Variants in TMEM132D observed in about 807,000 individuals in gnomAD.
TMEM132D encodes transmembrane protein 132D.
In TMEM132D, 21 loss-of-function variants were observed where a neutral mutation model predicts 62.3. The observed-to-expected ratio is 0.34, with a 90% CI of 0.24 to 0.49. The LOEUF is 0.49. Among genes scored for constraint, TMEM132D ranks in the 20% least tolerant of loss-of-function variants. TMEM132D has a pLI of 0.99. For missense variants in TMEM132D, 1,346 were observed against 1,402.8 expected (o/e 0.96, Z 0.65); for synonymous variants, 621 against 575.6 (o/e 1.08, Z -1.13).
intron 5 of TMEM132D, among the ~76,000 whole-genome samples, chr12:129,154,676 G>A (rs1280548502): frequency 6.6e-6 from 1 of 152,156 alleles, no homozygotes; most frequent in Non-Finnish European, 1.5e-5. Context: ...GTAACAGATG[G>A]TTGGTCCCCT....
intron 5 of TMEM132D, among the ~76,000 whole-genome samples, chr12:129,178,438 T>TG (rs937520301): frequency 3.4e-5 from 5 of 148,550 alleles, no homozygotes; most frequent in African/African-American, 1.3e-4. Context: ...CATCTGTTTT[T>TG]TTTTTTTTTT....
intron 1 of TMEM132D, among the ~76,000 whole-genome samples, chr12:129,873,383 C>A (rs142635755): frequency 1.4e-3 from 206 of 152,244 alleles, no homozygotes; most frequent in Non-Finnish European, 2.4e-3. Flanking sequence ...TGATTTGCTG[C>A]AACTCAAATA....
intron 3 of TMEM132D, among the ~76,000 whole-genome samples, chr12:129,482,185 C>T (rs577045094): frequency 2.3e-4 from 35 of 152,264 alleles, no homozygotes; most frequent in African/African-American, 7.0e-4. Context: ...CCATGGAGTA[C>T]GGCCAAGCCA....
chr12:129,527,794 C>T (rs1276668653), intron 3 of TMEM132D, among the ~76,000 whole-genome samples: 3 of 152,210 alleles, frequency 2.0e-5, no homozygotes, highest in Non-Finnish European at 4.4e-5. Context: ...AACGCTTAAT[C>T]AAAACAGATC....
At position 129,081,829 on chromosome 12, in the gene TMEM132D, T is replaced by C; in HGVS notation, c.1853A>G (p.Glu618Gly). 1 of 1,613,408 alleles carries C rather than the reference T, an allele frequency of 6.2e-7. No homozygotes were observed. Among genetic ancestry groups the C allele is most frequent in the South Asian group, 1.1e-5 (1 of 91,038 alleles). ...ELINDFMQVE[E>G]PRIAKLQGGQ... ...GCCTTGCAGCTTGGCGATCCTGGGC[T>C]CCTCCACCTGCATGAAGTCATTTAT... Residue 618 changes from glutamate to glycine, a missense_variant, in exon 7 of 9, where the codon GAG becomes GGG. Transcript: ENST00000422113.
chr12:129,500,744 GATAAAAGAAACTACACATTCA>G (rs1875114860), intron 3 of TMEM132D, among the ~76,000 whole-genome samples: 1 of 152,160 alleles, frequency 6.6e-6, no homozygotes, highest in South Asian at 2.1e-4. Context: ...ATTCCTCTGC[GATAAAAGAAACTACACATTCA>G]GTTTCTGAAC....
At chr12:129,380,765 C>A (rs993217684) in intron 3 of TMEM132D, among the ~76,000 whole-genome samples, 5 of 152,128 alleles carry the variant, frequency 3.3e-5, no homozygotes, top group African/African-American at 1.2e-4. Context: ...ATTGTGTTCT[C>A]CATCTCTAAA....
At chr12:129,280,363 T>C (rs557171380) in intron 4 of TMEM132D, among the ~76,000 whole-genome samples, 1 of 152,334 alleles carries the variant, frequency 6.6e-6, no homozygotes, top group African/African-American at 2.4e-5. Context: ...CACATGCATT[T>C]ACCCTGGGAA....
intron 5 of TMEM132D, among the ~76,000 whole-genome samples, chr12:129,172,846 G>A (rs1877776062): frequency 6.6e-6 from 1 of 152,110 alleles, no homozygotes; most frequent in Non-Finnish European, 1.5e-5. Flanking sequence ...CCAAAGTGCT[G>A]GGATTACAGT....
chr12:129,137,313 T>C (rs532828930), intron 5 of TMEM132D, among the ~76,000 whole-genome samples: 3 of 152,204 alleles, frequency 2.0e-5, no homozygotes, highest in South Asian at 2.1e-4. Context: ...ACCATCACCA[T>C]CATCATCATC....
At chr12:129,528,115 A>G (rs10773673) in intron 3 of TMEM132D, among the ~76,000 whole-genome samples, 101,662 of 152,038 alleles carry the variant, frequency 0.67, 34,477 homozygotes, top group African/African-American at 0.78. Flanking sequence ...AAGAATAACT[A>G]GAAAACACTC....
At chr12:129,692,252 T>A (rs1324584494) in intron 2 of TMEM132D, among the ~76,000 whole-genome samples, 1 of 152,208 alleles carries the variant, frequency 6.6e-6, no homozygotes, top group Non-Finnish European at 1.5e-5. Flanking sequence ...GTGGAGTTTA[T>A]TCCAGGTATA....
chr12:129,333,404 G>A (rs1331240875), intron 4 of TMEM132D, among the ~76,000 whole-genome samples: 1 of 152,182 alleles, frequency 6.6e-6, no homozygotes, highest in Non-Finnish European at 1.5e-5. Context: ...TAAACCATAG[G>A]TTATTTTATA....
intron 3 of TMEM132D, among the ~76,000 whole-genome samples, chr12:129,340,221 C>G (rs75601460): frequency 0.014 from 2,133 of 152,264 alleles, 27 homozygotes; most frequent in Middle Eastern, 0.041. Context: ...CCTTTCCCAG[C>G]CAAGATGTAA....
chr12:129,823,311 G>GT (rs1370958786), intron 1 of TMEM132D, among the ~76,000 whole-genome samples: 1 of 152,250 alleles, frequency 6.6e-6, no homozygotes, highest in East Asian at 1.9e-4. Flanking sequence ...TAACACAGTT[G>GT]TTTTTGGGGG....
chr12:129,689,089 A>G lies in TMEM132D; in HGVS notation c.968+10721T>C, dbSNP rs1880999354. ...CAATGCACAGACTATCCTCACAACA[A>G]AATATTATCTGATCCAAATGTCAAC... On this transcript the variant is annotated intron_variant, in intron 2 of 8. Transcript: ENST00000422113. 2.6e-5 allele frequency among the ~76,000 whole-genome samples: 4 copies of G among 152,240 alleles called. No individual in the cohort carries two copies. The South Asian group carries it at 8.3e-4, about 32-fold the overall frequency.
At chr12:129,338,658 G>A (rs1869369033) in intron 3 of TMEM132D, among the ~76,000 whole-genome samples, 1 of 152,122 alleles carries the variant, frequency 6.6e-6, no homozygotes, top group Admixed American at 6.6e-5. Flanking sequence ...CGCTGAGAGA[G>A]GTACTTTTTA....
chr12:129,726,776 C>T (rs1220176088), intron 1 of TMEM132D, among the ~76,000 whole-genome samples: 2 of 152,084 alleles, frequency 1.3e-5, no homozygotes, highest in East Asian at 3.9e-4. Context: ...TGATAAGTCA[C>T]CAACTGTAGC....
intron 5 of TMEM132D, among the ~76,000 whole-genome samples, chr12:129,133,744 T>C (rs1437089068): frequency 6.6e-6 from 1 of 152,252 alleles, no homozygotes; most frequent in African/African-American, 2.4e-5. Context: ...AGTCCCTGCA[T>C]AGGCACTTGG....
Sources: gnomAD v4.1 joint callset for allele counts (sites outside exome capture counted in the v4.1 genomes callset) on GRCh38, gnomAD v4.1.1 for gene constraint, MANE v1.5 for transcripts, NCBI Gene and HGNC (gene_info 2026-07-23, HGNC 2026-07-21) for gene names.